LRBA: variants seen among roughly 807,000 people sequenced by gnomAD.
The protein encoded by LRBA is LPS responsive beige-like anchor protein.
LRBA carries 176 observed loss-of-function variants against 330.0 expected under a neutral mutation model. The observed-to-expected ratio is 0.53, with a 90% CI of 0.47 to 0.60. The LOEUF (loss-of-function observed/expected upper bound fraction) is 0.60, where lower values mean the gene tolerates loss of function less well. Ranked by LOEUF, LRBA falls within the 20% of genes least tolerant of loss-of-function variation. The pLI, the probability that LRBA is intolerant of heterozygous loss-of-function variation, is 0.00. For missense variants in LRBA, 3,259 were observed against 3,444.8 expected (o/e 0.95, Z 1.35); for synonymous variants, 1,230 against 1,193.0 (o/e 1.03, Z -0.64).
chr4:150,273,848 C>T (rs1746436850), intron 56 of LRBA, among the ~76,000 whole-genome samples: 1 of 152,092 alleles, frequency 6.6e-6, no homozygotes. Flanking sequence ...TAGACTCCCA[C>T]ACAATAATAG....
At chr4:150,925,161 CT>C (rs1433493401) in intron 4 of LRBA, among the ~76,000 whole-genome samples, 14 of 16,314 alleles carry the variant, frequency 8.6e-4, no homozygotes, top group Non-Finnish European at 5.5e-4. Flanking sequence ...GAGACCCTGT[CT>C]TTAAAAAAAA....
intron 38 of LRBA, among the ~76,000 whole-genome samples, chr4:150,594,451 T>C (rs867750774): frequency 3.9e-5 from 6 of 152,230 alleles, no homozygotes; most frequent in Admixed American, 2.0e-4. Flanking sequence ...TATTTTGATA[T>C]CTTCTGTGAG....
chr4:150,336,257 T>G (rs548265311), intron 48 of LRBA, among the ~76,000 whole-genome samples: 1 of 152,316 alleles, frequency 6.6e-6, no homozygotes, highest in South Asian at 2.1e-4. Context: ...GATAAACTGG[T>G]CAAAAACTTA....
chr4:150,567,922 G>T (rs1769339983), intron 40 of LRBA, among the ~76,000 whole-genome samples: 1 of 152,102 alleles, frequency 6.6e-6, no homozygotes, highest in African/African-American at 2.4e-5. Context: ...GTTAACAAAG[G>T]GAGAGGAATA....
At chr4:150,272,391 A>C (rs1433540384) in intron 56 of LRBA, among the ~76,000 whole-genome samples, 1 of 152,158 alleles carries the variant, frequency 6.6e-6, no homozygotes, top group East Asian at 1.9e-4. Context: ...AAAAGCTGAA[A>C]ATTGCAAAAA....
chr4:150,402,412 G>A (rs1198530289), intron 47 of LRBA, among the ~76,000 whole-genome samples: 2 of 151,924 alleles, frequency 1.3e-5, no homozygotes, highest in East Asian at 3.9e-4. Context: ...AAGAAGCGGG[G>A]AAGAAAAGAA....
rs1287294934 is a variant in LRBA at position 150,583,716 on chromosome 4, C to T, written c.6330+4332G>A. The T allele has an allele frequency of 6.2e-7, 1 of 1,613,492 alleles. No homozygotes were observed. The highest frequency in any genetic ancestry group is 1.3e-5 in the African/African-American group (1 of 75,046). ...AGCAGAGCTCGGCAGAGAGCGACGC[C>T]TGGGTGCTACAGTTCGGGGAGGCGG... is the stretch of plus-strand genomic sequence containing the variant. On this transcript the variant is annotated intron_variant, in intron 40 of 56. Transcript: ENST00000651943. The surrounding 1 kb of genome is among the most constrained non-coding windows in gnomAD (Gnocchi z 9.8).
At chr4:150,831,743 C>A in intron 29 of LRBA, 74 bp downstream of exon 29, 1 of 1,148,802 alleles carries the variant, frequency 8.7e-7, no homozygotes, top group Non-Finnish European at 1.2e-6. Flanking sequence ...ATTCCAATAT[C>A]AATATTTTAA....
At chr4:150,588,020 A>G in intron 40 of LRBA, 28 bp downstream of exon 40, 1 of 1,603,470 alleles carries the variant, frequency 6.2e-7, no homozygotes, top group Non-Finnish European at 8.5e-7. Context: ...CCATCATAAG[A>G]AAAAATGAAA....
intron 41 of LRBA, among the ~76,000 whole-genome samples, chr4:150,489,089 A>ATAATATTAT (rs1305567134): frequency 1.7e-4 from 6 of 36,134 alleles, no homozygotes; most frequent in African/African-American, 6.2e-4. Flanking sequence ...AATATTATAT[A>ATAATATTAT]AGAATATACA....
rs1035294572 is a variant in LRBA, at chr4:150,792,898, T to C, written c.5580+5183A>G. The stretch of plus-strand genomic sequence containing the variant: ...GAGTTCAAGACCAGCCTGGCCAACA[T>C]GGTGAAACCCCGTCTCTAATAAAAA... On this transcript the variant is annotated intron_variant, in intron 34 of 56. Transcript: ENST00000651943. Among the ~76,000 whole-genome samples the C allele has an allele frequency of 6.6e-5, 10 of 152,152 alleles. No individual in the cohort carries two copies. The South Asian group carries it at 1.9e-3, about 28-fold the overall frequency.
intron 2 of LRBA, among the ~76,000 whole-genome samples, chr4:151,001,482 G>T (rs1743320754): frequency 1.3e-5 from 2 of 152,006 alleles, no homozygotes; most frequent in South Asian, 4.1e-4. Flanking sequence ...CCTGGGGATT[G>T]TCTCCCTCAG....
chr4:150,323,751 G>C (rs1732867445), intron 49 of LRBA, among the ~76,000 whole-genome samples: 1 of 152,188 alleles, frequency 6.6e-6, no homozygotes, highest in Non-Finnish European at 1.5e-5. Context: ...AGAAACACCA[G>C]AAATAAGAAA....
intron 35 of LRBA, among the ~76,000 whole-genome samples, chr4:150,756,426 T>C (rs985445827): frequency 2.6e-5 from 4 of 152,080 alleles, no homozygotes; most frequent in African/African-American, 9.7e-5. Flanking sequence ...CCAAAACCTC[T>C]AAGAAAATAA....
intron 40 of LRBA, among the ~76,000 whole-genome samples, chr4:150,587,603 C>A (rs559592803): frequency 6.6e-6 from 1 of 152,252 alleles, no homozygotes; most frequent in South Asian, 2.1e-4. Flanking sequence ...ATCTCACACA[C>A]AAAACATGCT....
chr4:150,849,530 A>C lies in LRBA; in HGVS notation c.4050T>G (p.Asn1350Lys). Residue 1350 changes from asparagine (N) to lysine (K), a missense_variant, in exon 25 of 57, where the codon AAT (asparagine) becomes AAG (lysine). Asn to Lys is a moderately conservative substitution (Grantham distance 94). Transcript: ENST00000651943. ...TVMDFVNSSD[N>K]VIFVHNTIHL... ...GAATTGTGTTGTGTACAAAGATGAC[A>C]TTATCACTGCTATTCACGAAGTCCA... The C allele has an allele frequency of 6.2e-7, 1 of 1,613,330 alleles. No homozygotes were observed. The highest frequency in any genetic ancestry group is 8.5e-7 in the Non-Finnish European group (1 of 1,179,260).
intron 2 of LRBA, among the ~76,000 whole-genome samples, chr4:151,012,621 C>G (rs1006968729): frequency 5.3e-5 from 8 of 152,300 alleles, no homozygotes; most frequent in African/African-American, 1.7e-4. Context: ...ACTGTTGAAG[C>G]TGCACAACGG....
intron 36 of LRBA, among the ~76,000 whole-genome samples, chr4:150,731,787 C>T (rs1403638267): frequency 1.3e-5 from 2 of 152,046 alleles, no homozygotes; most frequent in Non-Finnish European, 2.9e-5. Context: ...GATAGCACAA[C>T]AGGAGACAAT....
At chr4:150,741,938 A>G in intron 35 of LRBA, among the ~76,000 whole-genome samples, 1 of 151,730 alleles carries the variant, frequency 6.6e-6, no homozygotes, top group East Asian at 2.0e-4. Context: ...TTTTAATAAA[A>G]TGTCTTAGAT....
Sources: gnomAD v4.1 joint callset for allele counts (sites outside exome capture counted in the v4.1 genomes callset) on GRCh38, gnomAD v4.1.1 for gene constraint, Gnocchi (gnomAD v3.1) non-coding constraint, MANE v1.5 for transcripts, NCBI Gene and HGNC (gene_info 2026-07-23, HGNC 2026-07-21) for gene names.